The following FGF14 variants were observed in gnomAD, a reference collection of about 807,000 sequenced individuals.
FGF14 encodes the protein fibroblast growth factor homologous factor 4.
A neutral mutation model predicts 25.5 loss-of-function variants in FGF14; 5 were observed. The observed-to-expected ratio is 0.20, with a 90% CI of 0.10 to 0.41. FGF14 has a LOEUF of 0.41. FGF14 is among the 10% of genes least tolerant of loss of function. The probability of loss-of-function intolerance (pLI) is 1.00; values close to 1 mark genes in which losing one functional copy is unlikely to be tolerated. For missense variants in FGF14, 222 were observed against 320.1 expected, an observed-to-expected ratio of 0.69 and a Z score of 2.34; for synonymous variants, 138 against 118.3, an observed-to-expected ratio of 1.17 and a Z score of -1.08.
At chr13:102,144,527 T>C (rs1022427039) in intron 1 of FGF14, among the ~76,000 whole-genome samples, 12 of 151,830 alleles carry the variant, frequency 7.9e-5, no homozygotes, top group African/African-American at 2.9e-4. Context: ...TTAATATAAG[T>C]GTGTTATATA....
At chr13:101,804,853 A>G (rs2041111089) in intron 3 of FGF14, among the ~76,000 whole-genome samples, 1 of 152,122 alleles carries the variant, frequency 6.6e-6, no homozygotes, top group East Asian at 1.9e-4. Flanking sequence ...TGGTTCCCTC[A>G]TTAATGGTGC....
chr13:101,744,805 G>T (rs143972753), intron 3 of FGF14, among the ~76,000 whole-genome samples: 19 of 151,982 alleles, frequency 1.3e-4, no homozygotes, highest in African/African-American at 4.6e-4. Flanking sequence ...TAACACATGC[G>T]TGTATGTTCA....
chr13:101,764,649 T>C (rs1192491942), intron 3 of FGF14, among the ~76,000 whole-genome samples: 4 of 152,168 alleles, frequency 2.6e-5, no homozygotes, highest in Non-Finnish European at 5.9e-5. Context: ...TCATTCTTTG[T>C]CATAGGGCTA....
intron 3 of FGF14, among the ~76,000 whole-genome samples, chr13:101,788,893 TATATATATATATATATAGAG>T (rs1237416384): frequency 1.5e-4 from 7 of 48,170 alleles, no homozygotes; most frequent in South Asian, 1.1e-3. Context: ...TATATATATA[TATATATATATATATATAGAG>T]AGAGAGAGAG....
intron 1 of FGF14, among the ~76,000 whole-genome samples, chr13:101,888,151 T>C (rs2046089143): frequency 6.6e-6 from 1 of 152,106 alleles, no homozygotes; most frequent in African/African-American, 2.4e-5. Context: ...TGGGCACGCA[T>C]GAAACTCAAG....
chr13:101,891,127 A>G (rs2046246807), intron 1 of FGF14, among the ~76,000 whole-genome samples: 1 of 152,176 alleles, frequency 6.6e-6, no homozygotes, highest in African/African-American at 2.4e-5. Context: ...TTCATAATTC[A>G]CATCTTTTGT....
intron 2 of FGF14, among the ~76,000 whole-genome samples, chr13:101,870,163 T>G (rs976988929): frequency 3.3e-5 from 5 of 151,890 alleles, no homozygotes; most frequent in Admixed American, 1.3e-4. Context: ...AAAGAATTAG[T>G]TTTTTTTCCT....
chr13:101,840,078 T>C (rs1381460748), intron 3 of FGF14, among the ~76,000 whole-genome samples: 1 of 152,012 alleles, frequency 6.6e-6, no homozygotes, highest in African/African-American at 2.4e-5. Flanking sequence ...TCTTGGCAAA[T>C]GAGAAATAAC....
rs113700211 is a variant in FGF14, at chr13:101,956,803, C to T, written c.209-81507G>A. Among the ~76,000 whole-genome samples the T allele has an allele frequency of 3.2e-4, 47 of 146,140 alleles. 1 individual carries two copies. Among genetic ancestry groups the T allele is most frequent in the African/African-American group, 1.1e-3 (44 of 40,030 alleles). On this transcript the variant is annotated intron_variant, in intron 1 of 4. Transcript: ENST00000376131. Reference sequence around the variant, plus strand: ...AAAAAAGAAAAAGTAAAAGTATTTACTGAAAATCTTCAAGACTATAAAGAA... The same window carrying T: ...AAAAAAGAAAAAGTAAAAGTATTTATTGAAAATCTTCAAGACTATAAAGAA...
At chr13:101,865,021 G>A (rs565909468) in intron 3 of FGF14, among the ~76,000 whole-genome samples, 3 of 152,106 alleles carry the variant, frequency 2.0e-5, no homozygotes, top group Non-Finnish European at 4.4e-5. Flanking sequence ...TCAGATCCAG[G>A]ACCCAGGTGT....
chr13:102,168,570 G>A (rs2048116726), intron 1 of FGF14, among the ~76,000 whole-genome samples: 2 of 152,128 alleles, frequency 1.3e-5, no homozygotes, highest in Non-Finnish European at 2.9e-5. Context: ...TTAATGTGGT[G>A]TTAACACTCT....
chr13:102,023,335 T>C (rs1447660454), intron 1 of FGF14, among the ~76,000 whole-genome samples: 1 of 152,062 alleles, frequency 6.6e-6, no homozygotes, highest in Non-Finnish European at 1.5e-5. Context: ...GTGCTACAGA[T>C]TTTTAATAAA....
At chr13:102,155,110 A>G (rs1191454606) in intron 1 of FGF14, among the ~76,000 whole-genome samples, 7 of 152,234 alleles carry the variant, frequency 4.6e-5, no homozygotes, top group Non-Finnish European at 1.0e-4. Context: ...TCAATGAGAC[A>G]GAAAGTTAAC....
intron 1 of FGF14, among the ~76,000 whole-genome samples, chr13:102,033,041 C>T (rs557340547): frequency 6.6e-6 from 1 of 152,138 alleles, no homozygotes; most frequent in South Asian, 2.1e-4. Flanking sequence ...TCTGGAATTG[C>T]CTCATACACA....
Position 101,924,616 on chromosome 13 carries a change from G to A in FGF14, c.209-49320C>T, listed in dbSNP as rs190306659. On this transcript the variant is annotated intron_variant, in intron 1 of 4. Transcript: ENST00000376131. ...ATATTTCGGTCATAATTATTTAAATGGGAACAAGAGCATGTCTGTTTATAA... is the reference window on the plus strand; with the variant it reads ...ATATTTCGGTCATAATTATTTAAATAGGAACAAGAGCATGTCTGTTTATAA... 1.8e-4 allele frequency among the ~76,000 whole-genome samples: 27 copies of A among 152,252 alleles called. No homozygotes were observed. The East Asian group carries it at 4.8e-3, about 27-fold the overall frequency.
chr13:101,769,960 G>T (rs2038655524), intron 3 of FGF14, among the ~76,000 whole-genome samples: 1 of 152,088 alleles, frequency 6.6e-6, no homozygotes, highest in Non-Finnish European at 1.5e-5. Flanking sequence ...GATGGACTTT[G>T]GGTGCTAATG....
intron 1 of FGF14, among the ~76,000 whole-genome samples, chr13:102,245,540 A>G (rs2051823956): frequency 6.6e-6 from 1 of 152,096 alleles, no homozygotes; most frequent in African/African-American, 2.4e-5. Flanking sequence ...ATGGTAACTT[A>G]GAAGTAGAAA....
chr13:101,723,819 G>A (rs1453134127), intron 4 of FGF14, among the ~76,000 whole-genome samples: 2 of 120,624 alleles, frequency 1.7e-5, no homozygotes, highest in African/African-American at 5.1e-5. Context: ...GTGACTGATG[G>A]TTGGGGAAAA....
At chr13:101,759,698 G>C (rs2037886123) in intron 3 of FGF14, among the ~76,000 whole-genome samples, 1 of 152,170 alleles carries the variant, frequency 6.6e-6, no homozygotes, top group East Asian at 1.9e-4. Context: ...TTGCTCAGCT[G>C]TAAAATTAAG....
Sources: allele counts gnomAD v4.1 joint callset (sites outside exome capture counted in the v4.1 genomes callset), GRCh38; gene constraint gnomAD v4.1.1; transcripts MANE v1.5; gene names NCBI Gene and HGNC (gene_info 2026-07-23, HGNC 2026-07-21).